The following SUPT3H variants were observed in gnomAD, a reference collection of about 807,000 sequenced individuals.
SUPT3H encodes the protein SPT3 homolog, SAGA and STAGA complex component.
SUPT3H carries 44 observed loss-of-function variants against 44.3 expected under a neutral mutation model. The observed-to-expected ratio is 0.99, with a 90% CI of 0.78 to 1.28. SUPT3H has a LOEUF of 1.28. Ranked by LOEUF, SUPT3H falls within the 50% of genes most tolerant of loss-of-function variation. The probability of loss-of-function intolerance (pLI) is 0.00; values close to 1 mark genes in which losing one functional copy is unlikely to be tolerated. For missense variants in SUPT3H, 380 were observed against 387.1 expected, an observed-to-expected ratio of 0.98 and a Z score of 0.15; for synonymous variants, 124 against 125.6, an observed-to-expected ratio of 0.99 and a Z score of 0.09.
chr6:44,844,102 G>A (rs1771471166), intron 10 of SUPT3H, among the ~76,000 whole-genome samples: 1 of 152,084 alleles, frequency 6.6e-6, no homozygotes, highest in Non-Finnish European at 1.5e-5. Flanking sequence ...ACACGTTTTT[G>A]GAGTATTTAT....
intron 2 of SUPT3H, among the ~76,000 whole-genome samples, chr6:45,274,357 A>G (rs1182718340): frequency 6.6e-6 from 1 of 152,168 alleles, no homozygotes; most frequent in African/African-American, 2.4e-5. Context: ...TGCCAAACTC[A>G]AGGTCATTGT....
chr6:44,990,088 G>T (rs1780393386), intron 6 of SUPT3H, among the ~76,000 whole-genome samples: 1 of 152,086 alleles, frequency 6.6e-6, no homozygotes, highest in South Asian at 2.1e-4. Flanking sequence ...ACGTCAAGGA[G>T]CTTTGCCCTA....
At position 45,112,605 on chromosome 6, in the gene SUPT3H, AGAAGGGCTGATTTAGAGGG is replaced by A. The variant is rs567525214; in HGVS notation, c.102-6618_102-6600del. 2.6e-5 allele frequency among the ~76,000 whole-genome samples: 4 copies of A among 152,152 alleles called. No individual in the cohort carries two copies. In the East Asian group the frequency reaches 7.7e-4, roughly 29 times the overall value. On this transcript the variant is annotated intron_variant, in intron 2 of 10. Transcript: ENST00000371459. ...GGACTGATTAAGTTTCTAACAGAGG[AGAAGGGCTGATTTAGAGGG>A]GAAGTGCTGATTAAGTTTCTAACAG... is the stretch of plus-strand genomic sequence containing the variant.
At chr6:44,823,815 T>C (rs1277424646), downstream of SUPT3H, among the ~76,000 whole-genome samples, 1 of 151,980 alleles carries the variant, frequency 6.6e-6, no homozygotes, top group East Asian at 1.9e-4. Context: ...TACAAAAAAT[T>C]AGCTGGGCGT....
chr6:45,210,260 C>T (rs1763873377), intron 2 of SUPT3H, among the ~76,000 whole-genome samples: 1 of 152,126 alleles, frequency 6.6e-6, no homozygotes, highest in African/African-American at 2.4e-5. Flanking sequence ...ATACTCACCT[C>T]ACAATTTGCC....
intron 2 of SUPT3H, among the ~76,000 whole-genome samples, chr6:45,207,852 C>T (rs1219456916): frequency 6.6e-6 from 1 of 152,178 alleles, no homozygotes; most frequent in Non-Finnish European, 1.5e-5. Flanking sequence ...CCTACCTATT[C>T]CTCAAGATGC....
chr6:45,336,532 T>G (rs1330501476), intron 2 of SUPT3H, among the ~76,000 whole-genome samples: 1 of 151,434 alleles, frequency 6.6e-6, no homozygotes, highest in Non-Finnish European at 1.5e-5. Flanking sequence ...AAGATACACT[T>G]AAATATTTTT....
At chr6:45,246,591 C>A (rs1031744850) in intron 2 of SUPT3H, among the ~76,000 whole-genome samples, 1 of 152,056 alleles carries the variant, frequency 6.6e-6, no homozygotes, top group Non-Finnish European at 1.5e-5. Context: ...GAAAGTAATG[C>A]AGATTCAAAA....
At chr6:44,819,940 A>C (rs1376947077) in intron 11 of SUPT3H, among the ~76,000 whole-genome samples, 1 of 152,198 alleles carries the variant, frequency 6.6e-6, no homozygotes, top group Non-Finnish European at 1.5e-5. Context: ...ATATCAAAAT[A>C]GGCCAGGTGC....
intron 10 of SUPT3H, among the ~76,000 whole-genome samples, chr6:44,912,028 G>A (rs1767125747): frequency 6.6e-6 from 1 of 152,118 alleles, no homozygotes; most frequent in South Asian, 2.1e-4. Flanking sequence ...ACGAAGTCAT[G>A]GCAGCACAAT....
intron 5 of SUPT3H, among the ~76,000 whole-genome samples, chr6:45,007,896 T>C (rs1782943832): frequency 1.3e-5 from 2 of 152,156 alleles, no homozygotes; most frequent in South Asian, 2.1e-4. Flanking sequence ...TCTCTTTAGA[T>C]TTGCCTATTC....
intron 10 of SUPT3H, among the ~76,000 whole-genome samples, chr6:44,928,881 T>A (rs1769988444): frequency 2.3e-4 from 1 of 4,272 alleles, no homozygotes; most frequent in Non-Finnish European, 3.2e-4. Flanking sequence ...AGACTCCGTC[T>A]CAAAAAAAAA....
At chr6:45,124,876 A>G (rs1323045002) in intron 2 of SUPT3H, among the ~76,000 whole-genome samples, 4 of 152,168 alleles carry the variant, frequency 2.6e-5, no homozygotes, top group African/African-American at 9.6e-5. Context: ...GGTAGGCTCT[A>G]GACGAATAGG....
chr6:44,841,299 T>A (rs1189424967), intron 10 of SUPT3H, among the ~76,000 whole-genome samples: 1 of 152,240 alleles, frequency 6.6e-6, no homozygotes, highest in East Asian at 1.9e-4. Flanking sequence ...GACATTTAGA[T>A]GCTCAATAGG....
chr6:45,219,806 C>A (rs146749320), intron 2 of SUPT3H, among the ~76,000 whole-genome samples: 2 of 151,630 alleles, frequency 1.3e-5, no homozygotes, highest in Admixed American at 6.6e-5. Context: ...TTTGGGAGGC[C>A]GAGGTGGGTG....
At position 44,998,576 on chromosome 6, in the gene SUPT3H, T is replaced by A. The variant is rs140906705; in HGVS notation, c.504+5077A>T. On this transcript the variant is annotated intron_variant, in intron 6 of 10. Coordinates refer to ENST00000371459, the MANE Select transcript of SUPT3H (RefSeq NM_003599.4). Reference sequence around the variant, plus strand: ...CTCCTTGAACTCTGGCAAATAAAAGTGGTAACAGTGGGCATTCTAGAATTA... The same window carrying A: ...CTCCTTGAACTCTGGCAAATAAAAGAGGTAACAGTGGGCATTCTAGAATTA... Among the ~76,000 whole-genome samples the A allele has an allele frequency of 2.1e-3, 325 of 152,018 alleles. 1 individual carries two copies. The highest frequency in any genetic ancestry group is 7.5e-3 in the African/African-American group (311 of 41,534).
intron 6 of SUPT3H, among the ~76,000 whole-genome samples, chr6:44,994,117 C>T (rs1780959441): frequency 1.3e-5 from 2 of 151,994 alleles, no homozygotes; most frequent in South Asian, 4.1e-4. Context: ...TTTATTGAGG[C>T]TGTATTCACC....
intron 10 of SUPT3H, among the ~76,000 whole-genome samples, chr6:44,900,659 G>A (rs1222785478): frequency 6.6e-6 from 1 of 152,202 alleles, no homozygotes; most frequent in African/African-American, 2.4e-5. Context: ...CTGTCTGACA[G>A]CTTTGAAGAG....
intron 10 of SUPT3H, among the ~76,000 whole-genome samples, chr6:44,870,633 A>C (rs1481245326): frequency 6.6e-6 from 1 of 150,938 alleles, no homozygotes; most frequent in Non-Finnish European, 1.5e-5. Flanking sequence ...AAAGAAAAAG[A>C]AGGGGGAGGA....
Sources: gnomAD v4.1 joint callset for allele counts (sites outside exome capture counted in the v4.1 genomes callset) on GRCh38, gnomAD v4.1.1 for gene constraint, MANE v1.5 for transcripts, NCBI Gene and HGNC (gene_info 2026-07-23, HGNC 2026-07-21) for gene names.